ZFP1: variants seen among roughly 807,000 people sequenced by gnomAD.
ZFP1 encodes zinc finger protein 1 homolog.
A neutral mutation model predicts 38.5 loss-of-function variants in ZFP1; 32 were observed. The observed-to-expected ratio is 0.83, with a 90% CI of 0.63 to 1.12. The LOEUF is 1.12. Ranked by LOEUF, ZFP1 falls within the 50% of genes most tolerant of loss-of-function variation. The pLI is 0.00. For synonymous variants in ZFP1, 245 were observed against 168.8 expected, an observed-to-expected ratio of 1.45 and a Z score of -3.50; for missense variants, 616 against 480.8, an observed-to-expected ratio of 1.28 and a Z score of -2.63.
At chr16:75,131,413 C>T in the ZFP1 span, among the ~76,000 whole-genome samples, 8 of 152,270 alleles carry the variant, frequency 5.3e-5, no homozygotes, top group South Asian at 6.2e-4. Flanking sequence ...TGGAGTGATG[C>T]GGCTGCTGTT....
intron 2 of ZFP1, among the ~76,000 whole-genome samples, chr16:75,165,718 A>T (rs1342053204): frequency 1.4e-5 from 2 of 145,926 alleles, no homozygotes; most frequent in Non-Finnish European, 3.0e-5. Context: ...TATGCTGAGT[A>T]TTTTTTTTTT....
the ZFP1 span, among the ~76,000 whole-genome samples, chr16:75,136,055 A>G: frequency 1.3e-5 from 2 of 152,202 alleles, no homozygotes; most frequent in Non-Finnish European, 2.9e-5. Flanking sequence ...ACCTCAAGTT[A>G]TCCACCCACC....
chr16:75,159,471 G>A (rs762982066), intron 2 of ZFP1, among the ~76,000 whole-genome samples: 1 of 132,992 alleles, frequency 7.5e-6, no homozygotes, highest in African/African-American at 2.9e-5. Flanking sequence ...CAGTGACAAC[G>A]CTCACAGTTC....
chr16:75,124,554 C>T, the ZFP1 span, among the ~76,000 whole-genome samples: 11 of 149,652 alleles, frequency 7.4e-5, no homozygotes, highest in African/African-American at 2.2e-4. Flanking sequence ...GAGGCTGAGG[C>T]GGGTGGATCA....
intron 2 of ZFP1, among the ~76,000 whole-genome samples, chr16:75,155,965 A>G (rs995564322): frequency 1.3e-5 from 2 of 152,186 alleles, no homozygotes; most frequent in African/African-American, 4.8e-5. Flanking sequence ...GAGATCTAAA[A>G]GATGCATCCG....
chr16:75,119,935 GACT>G, the ZFP1 span, among the ~76,000 whole-genome samples: 1 of 152,116 alleles, frequency 6.6e-6, no homozygotes, highest in African/African-American at 2.4e-5. Flanking sequence ...TTTTTATTTT[GACT>G]ACTAAGTGGC....
At chr16:75,157,628 T>G (rs139149892) in intron 2 of ZFP1, among the ~76,000 whole-genome samples, 1 of 152,322 alleles carries the variant, frequency 6.6e-6, no homozygotes, top group East Asian at 1.9e-4. Context: ...AGGCTTGATA[T>G]AATTTGAAGC....
intron 3 of ZFP1, among the ~76,000 whole-genome samples, chr16:75,168,165 T>C (rs2038202497): frequency 6.6e-6 from 1 of 152,150 alleles, no homozygotes; most frequent in Non-Finnish European, 1.5e-5. Context: ...CCAGATGATT[T>C]TTAATGGGAT....
intron 2 of ZFP1, among the ~76,000 whole-genome samples, chr16:75,159,361 T>TTCCC (rs1209678051): frequency 0.22 from 6,023 of 27,506 alleles, 366 homozygotes; most frequent in African/African-American, 0.3. Flanking sequence ...CTTCTTTCCT[T>TTCCC]TCCCTCCCTC....
chr16:75,167,452 A>C (rs2038157260), intron 3 of ZFP1, among the ~76,000 whole-genome samples: 2 of 151,812 alleles, frequency 1.3e-5, no homozygotes, highest in Non-Finnish European at 2.9e-5. Context: ...TTGAACCCTG[A>C]AACTTTCCTA....
the ZFP1 span, among the ~76,000 whole-genome samples, chr16:75,122,011 T>C: frequency 1.7e-3 from 263 of 151,898 alleles, 3 homozygotes; most frequent in Admixed American, 0.016. Flanking sequence ...AACAGAATGA[T>C]CTTTGCTTGT....
At chr16:75,148,967 GGC>G (rs1205848085) in intron 1 of ZFP1, 8 of 151,748 alleles carry the variant, frequency 5.3e-5, no homozygotes, top group South Asian at 2.1e-4. Flanking sequence ...AGCCCCGGCG[GGC>G]GCGCGCGCGC....
intron 1 of ZFP1, among the ~76,000 whole-genome samples, chr16:75,151,930 C>A: frequency 6.6e-6 from 1 of 152,124 alleles, no homozygotes; most frequent in Non-Finnish European, 1.5e-5. Flanking sequence ...ACTTCATTAT[C>A]ATTTTTGAAA....
At chr16:75,137,148 A>C in the ZFP1 span, among the ~76,000 whole-genome samples, 1 of 152,174 alleles carries the variant, frequency 6.6e-6, no homozygotes, top group Admixed American at 6.6e-5. Context: ...AATGTCAGAA[A>C]GTAAGAGAGT....
chr16:75,136,412 T>C, the ZFP1 span, among the ~76,000 whole-genome samples: 11 of 152,242 alleles, frequency 7.2e-5, no homozygotes, highest in African/African-American at 1.4e-4. Context: ...TAGTCAATAG[T>C]TGGTGAATGG....
At chr16:75,160,089 T>C (rs941054723) in intron 2 of ZFP1, among the ~76,000 whole-genome samples, 13 of 152,220 alleles carry the variant, frequency 8.5e-5, no homozygotes, top group Non-Finnish European at 1.9e-4. Context: ...CACCTACACA[T>C]ATTAGGAACT....
chr16:75,146,939 CAAAAAAAAA>C (rs34337593), upstream of ZFP1, among the ~76,000 whole-genome samples: 1 of 67,682 alleles, frequency 1.5e-5, no homozygotes, highest in South Asian at 6.2e-4. Flanking sequence ...GACCCTGTGT[CAAAAAAAAA>C]AAAAAAAAAA....
At chr16:75,133,703 G>A in the ZFP1 span, among the ~76,000 whole-genome samples, 3 of 152,120 alleles carry the variant, frequency 2.0e-5, no homozygotes, top group African/African-American at 7.2e-5. Context: ...GCTTTCTTTG[G>A]CAAGACTACT....
rs141540238 is a variant in ZFP1, at chr16:75,169,827, T to C, written c.717T>C (p.Pro239=). 3 of 1,613,960 alleles carry C rather than the reference T, an allele frequency of 1.9e-6. No individual in the cohort carries two copies. Among genetic ancestry groups the C allele is most frequent in the Non-Finnish European group, 1.7e-6 (2 of 1,179,958 alleles). Residue 239 remains proline (P), a synonymous_variant, in exon 4 of 4, where the codon CCT becomes CCC. Coordinates refer to ENST00000570010, the MANE Select transcript of ZFP1 (RefSeq NM_153688.4). ...AGAGAATTCACACTGGGGAGAAACC[T>C]TTCGAGTGTCCGGAATGTGGAAAAG... ...KHQRIHTGEK[P]FECPECGKAF...
Sources: allele counts gnomAD v4.1 joint callset (sites outside exome capture counted in the v4.1 genomes callset), GRCh38; gene constraint gnomAD v4.1.1; transcripts MANE v1.5; gene names NCBI Gene and HGNC (gene_info 2026-07-23, HGNC 2026-07-21).